EPN2: variants seen among roughly 807,000 people sequenced by gnomAD.
EPN2 encodes the protein epsin-2.
EPN2 carries 34 observed loss-of-function variants against 61.7 expected under a neutral mutation model. The observed-to-expected ratio is 0.55, with a 90% CI of 0.42 to 0.73. The LOEUF is 0.73. EPN2 is among the 30% of genes least tolerant of loss of function. EPN2 has a pLI of 0.00. For missense variants in EPN2, 714 were observed against 839.2 expected (o/e 0.85, Z 1.84); for synonymous variants, 349 against 353.6 (o/e 0.99, Z 0.15).
intron 4 of EPN2, among the ~76,000 whole-genome samples, chr17:19,288,338 G>A (rs1456974634): frequency 1.3e-5 from 2 of 152,220 alleles, no homozygotes; most frequent in African/African-American, 4.8e-5. Context: ...TGCCCTCGTG[G>A]AGCTTATATG....
In EPN2 at chr17:19,336,241, C is replaced by T. The variant is rs1907433258; in HGVS notation, c.*1987C>T. On this transcript the variant is annotated 3_prime_UTR_variant, in exon 11 of 11. Coordinates refer to ENST00000314728, the MANE Select transcript of EPN2 (RefSeq NM_014964.5). Reference sequence around the variant, plus strand: ...ATTTGGGTAAGCCGGTGGCTGGTCTCGTCTGCCGGGGGAAGGGTGGGGAGG... The same window carrying T: ...ATTTGGGTAAGCCGGTGGCTGGTCTTGTCTGCCGGGGGAAGGGTGGGGAGG... The T allele has an allele frequency of 6.6e-6, 1 of 151,382 alleles. No individual in the cohort carries two copies. The highest frequency in any genetic ancestry group is 2.1e-4 in the South Asian group (1 of 4,772). 9.4% of individuals were successfully genotyped at this position (151,382 alleles called of 1,614,324 possible).
intron 4 of EPN2, among the ~76,000 whole-genome samples, chr17:19,289,732 T>G (rs2045443718): frequency 7.6e-6 from 1 of 132,412 alleles, no homozygotes; most frequent in South Asian, 2.7e-4. Flanking sequence ...TGGTTTTTTT[T>G]TTTTTTTTTT....
At chr17:19,333,692 G>C (rs947851996) in intron 10 of EPN2, among the ~76,000 whole-genome samples, 1 of 152,174 alleles carries the variant, frequency 6.6e-6, no homozygotes, top group Non-Finnish European at 1.5e-5. Flanking sequence ...CCCCGAGATG[G>C]GTGTGTTCCT....
At chr17:19,281,284 C>T (rs1023880681) in intron 1 of EPN2, among the ~76,000 whole-genome samples, 3 of 152,214 alleles carry the variant, frequency 2.0e-5, no homozygotes, top group African/African-American at 4.8e-5. Flanking sequence ...CCTGAAGCTG[C>T]CTAGGGACTG....
intron 1 of EPN2, among the ~76,000 whole-genome samples, chr17:19,263,774 ACT>A (rs1382217113): frequency 6.6e-6 from 1 of 152,244 alleles, no homozygotes. Flanking sequence ...GTCTGCAGTC[ACT>A]GAGTCACCAG....
At chr17:19,289,727 T>TTGTTTTTTTTTTTTTTTTTTTG (rs200759698) in intron 4 of EPN2, among the ~76,000 whole-genome samples, 4 of 114,276 alleles carry the variant, frequency 3.5e-5, no homozygotes, top group Non-Finnish European at 6.9e-5. Flanking sequence ...GCTCATGGTT[T>TTGTTTTTTTTTTTTTTTTTTTG]TTTTTTTTTT....
Position 19,295,358 on chromosome 17 carries a change from A to ATGCG in EPN2, c.766+9568_766+9569insTGCG, listed in dbSNP as rs1555600565. On this transcript the variant is annotated intron_variant, in intron 4 of 10. Coordinates refer to ENST00000314728, the MANE Select transcript of EPN2 (RefSeq NM_014964.5). ...ATTAAAAATACACACACACACACACACACACACACGCGCGTGCGCGCAAAA... is the reference window on the plus strand; with the variant it reads ...ATTAAAAATACACACACACACACACATGCGCACACACACGCGCGTGCGCGCAAAA... 1.0e-4 allele frequency among the ~76,000 whole-genome samples: 7 copies of ATGCG among 66,690 alleles called. No homozygotes were observed. In the East Asian group the frequency reaches 2.1e-3, roughly 20 times the overall value. 43.8% of individuals were successfully genotyped at this position (66,690 alleles called of 152,430 possible).
chr17:19,334,153 C>A lies in EPN2; in HGVS notation c.1825C>A (p.Leu609Met). The A allele has an allele frequency of 6.2e-7, 1 of 1,603,758 alleles. No homozygotes were observed. The highest frequency in any genetic ancestry group is 2.2e-5 in the East Asian group (1 of 44,562). ...AGCTCTGGGGGCCACTGGTTCCTCTCTGACACCACTGGGCCCTGCAATGAT... is the reference window on the plus strand; with the variant it reads ...AGCTCTGGGGGCCACTGGTTCCTCTATGACACCACTGGGCCCTGCAATGAT... ...QPALGATGSS[L>M]TPLGPAMMNM... Residue 609 changes from leucine (L) to methionine (M), a missense_variant, in exon 11 of 11, where the codon CTG becomes ATG. Leu to Met is a conservative substitution (Grantham distance 15). This residue lies in a region of EPN2 where 410 missense variants were observed against 421.8 expected (regional missense o/e 0.97). Transcript: ENST00000314728. This position sits in a 1 kb window ranked among gnomAD's most constrained non-coding sequence, Gnocchi z 4.9.
chr17:19,325,077 A>G (rs1906807983), intron 7 of EPN2, among the ~76,000 whole-genome samples: 2 of 152,228 alleles, frequency 1.3e-5, no homozygotes, highest in Non-Finnish European at 2.9e-5. Flanking sequence ...CTATAAATAG[A>G]AATCTGTAAT....
At position 19,328,784 on chromosome 17, in the gene EPN2, C is replaced by G. The variant is rs1409331817; in HGVS notation, c.1221C>G (p.Asn407Lys). 3 of 1,613,554 alleles carry G rather than the reference C, an allele frequency of 1.9e-6. No individual in the cohort carries two copies. ...TGATVQSVPK[N>K]SDPWAASQQP... is the part of the protein sequence containing the mutation. ...CCACCGTACAATCTGTCCCCAAGAA[C>G]TCGGACCCCTGGGCAGCTTCACAGC... The change falls in exon 8 of 11, where the codon AAC becomes AAG. Residue 407 changes from asparagine to lysine, a missense_variant. By Grantham distance (94) the Asn-to-Lys change is moderately conservative. Coordinates refer to ENST00000314728, the MANE Select transcript of EPN2 (RefSeq NM_014964.5).
At chr17:19,301,352 T>G (rs983582219) in intron 4 of EPN2, among the ~76,000 whole-genome samples, 1 of 152,208 alleles carries the variant, frequency 6.6e-6, no homozygotes, top group East Asian at 1.9e-4. Context: ...TTCTTCATCC[T>G]ACTTTACGGG....
intron 1 of EPN2, among the ~76,000 whole-genome samples, chr17:19,254,266 G>T (rs553606643): frequency 6.6e-6 from 1 of 152,218 alleles, no homozygotes; most frequent in South Asian, 2.1e-4. Flanking sequence ...TATAGTAAAT[G>T]TAACAGAGCT....
chr17:19,274,744 C>T (rs1356594051), intron 1 of EPN2, among the ~76,000 whole-genome samples: 2 of 152,198 alleles, frequency 1.3e-5, no homozygotes, highest in African/African-American at 2.4e-5. Flanking sequence ...TGAAAAGCCT[C>T]TGTCTCCCAT....
At chr17:19,240,769 T>TG (rs1267340667) in intron 1 of EPN2, among the ~76,000 whole-genome samples, 1 of 152,204 alleles carries the variant, frequency 6.6e-6, no homozygotes, top group African/African-American at 2.4e-5. Flanking sequence ...TCCGTGTATC[T>TG]GGGGCTCTTG....
At chr17:19,323,826 A>G (rs1311480487) in intron 7 of EPN2, among the ~76,000 whole-genome samples, 1 of 152,236 alleles carries the variant, frequency 6.6e-6, no homozygotes, top group Non-Finnish European at 1.5e-5. Flanking sequence ...TGAAGAGTAA[A>G]GTTGAAAGGA....
At chr17:19,287,368 C>G (rs1465917052) in intron 4 of EPN2, among the ~76,000 whole-genome samples, 1 of 151,876 alleles carries the variant, frequency 6.6e-6, no homozygotes, top group Non-Finnish European at 1.5e-5. Context: ...TTTCTCATGC[C>G]CCAGATGAGT....
chr17:19,296,816 C>G (rs2045524914), intron 4 of EPN2: 1 of 152,358 alleles, frequency 6.6e-6, no homozygotes, highest in Non-Finnish European at 1.5e-5. Flanking sequence ...CCTATGTTGG[C>G]CAGGCTGATC....
intron 1 of EPN2, chr17:19,274,191 C>T (rs2045284014): frequency 6.6e-6 from 1 of 152,538 alleles, no homozygotes; most frequent in Non-Finnish European, 1.5e-5. Flanking sequence ...CTAGAAATCA[C>T]CATGGGGGCT....
In EPN2 at chr17:19,333,965, C is replaced by T; in HGVS notation, c.1637C>T (p.Ala546Val). Residue 546 changes from alanine (A) to valine (V), a missense_variant, in exon 11 of 11, where the codon GCC (alanine) becomes GTC (valine). By Grantham distance (64) the Ala-to-Val change is moderately conservative (BLOSUM62 0). Coordinates refer to ENST00000314728, the MANE Select transcript of EPN2 (RefSeq NM_014964.5). ...CCTTCTGTCTCCCCAGGTGCTCCCG[C>T]CACCTCGGCCCCTGTTAACCCTTTC... ...LNPFLAPGAPATSAPVNPFQV... is the reference protein window; with the variant it reads ...LNPFLAPGAPVTSAPVNPFQV... 1.3e-6 allele frequency: 2 copies of T among 1,542,038 alleles called. No homozygotes were observed. The highest frequency in any genetic ancestry group is 1.8e-6 in the Non-Finnish European group (2 of 1,138,962).
Sources: allele counts gnomAD v4.1 joint callset (sites outside exome capture counted in the v4.1 genomes callset), GRCh38; gene constraint gnomAD v4.1.1; regional missense constraint gnomAD v4.1.1; non-coding constraint Gnocchi (gnomAD v3.1); transcripts MANE v1.5; gene names NCBI Gene and HGNC (gene_info 2026-07-23, HGNC 2026-07-21).